Variants in CENPF observed in about 807,000 individuals in gnomAD.
CENPF encodes the protein centromere protein F.
Under a neutral mutation model 307.3 loss-of-function variants are expected in CENPF, and 214 were observed. The ratio of observed to expected loss-of-function variants is 0.70; its 90% confidence interval spans 0.62 to 0.78. The LOEUF (loss-of-function observed/expected upper bound fraction) is 0.78. Ranked by LOEUF, CENPF falls within the 30% of genes least tolerant of loss-of-function variation. The probability of loss-of-function intolerance (pLI) is 0.00; values close to 1 mark genes in which losing one functional copy is unlikely to be tolerated. For synonymous variants in CENPF, 1,259 were observed against 1,270.6 expected (o/e 0.99, Z 0.19); for missense variants, 3,401 against 3,483.9 (o/e 0.98, Z 0.60).
In CENPF at chr1:214,642,846, C is replaced by G; in HGVS notation, c.4508C>G (p.Thr1503Arg). Residue 1503 changes from threonine (T) to arginine (R), a missense_variant, in exon 12 of 20, where the codon ACA (threonine) becomes AGA (arginine). Coordinates refer to ENST00000366955, the MANE Select transcript of CENPF (RefSeq NM_016343.4). ...SSFYRALLEQ[T>R]GDMSLLSNLE... Reference sequence around the variant, plus strand: ...TTTTACAGAGCTCTTTTAGAACAGACAGGAGATATGTCTCTTTTGAGTAAT... The same window carrying G: ...TTTTACAGAGCTCTTTTAGAACAGAGAGGAGATATGTCTCTTTTGAGTAAT... 6.2e-7 allele frequency: 1 copy of G among 1,614,030 alleles called. No homozygotes were observed. Among genetic ancestry groups the G allele is most frequent in the African/African-American group, 1.3e-5 (1 of 75,028 alleles).
At chr1:214,628,548 A>C (rs1171482065) in intron 7 of CENPF, among the ~76,000 whole-genome samples, 2 of 152,190 alleles carry the variant, frequency 1.3e-5, no homozygotes, top group African/African-American at 4.8e-5. Flanking sequence ...GATTTAAGCA[A>C]TTCTCCTGCC....
intron 1 of CENPF, among the ~76,000 whole-genome samples, chr1:214,610,848 A>G (rs12404854): frequency 0.044 from 6,723 of 152,210 alleles, 220 homozygotes; most frequent in East Asian, 0.12. Context: ...TCCATCTTGA[A>G]TTAATTTTTG....
In CENPF at chr1:214,632,482, C is replaced by T; in HGVS notation, c.1326C>T (p.Leu442=). Residue 442 remains leucine, a splice_region_variant and synonymous_variant, in exon 10 of 20, where the codon CTC becomes CTT. Transcript: ENST00000366955. ...TTGGTCTCTTTTTCTTTTTGTAGCTCACATCAGTAAAGCAACAGCTAGAAA... is the reference window on the plus strand; with the variant it reads ...TTGGTCTCTTTTTCTTTTTGTAGCTTACATCAGTAAAGCAACAGCTAGAAA... ...HNVLQAELDK[L]TSVKQQLENN... 1 of 1,612,274 alleles carries T rather than the reference C, an allele frequency of 6.2e-7. No individual in the cohort carries two copies. The highest frequency in any genetic ancestry group is 8.5e-7 in the Non-Finnish European group (1 of 1,179,394).
At chr1:214,633,019 T>C (rs1003347564) in intron 10 of CENPF, among the ~76,000 whole-genome samples, 2 of 152,234 alleles carry the variant, frequency 1.3e-5, no homozygotes, top group African/African-American at 4.8e-5. Flanking sequence ...TTGGCATTTG[T>C]GTCTTTCAAT....
intron 11 of CENPF, among the ~76,000 whole-genome samples, chr1:214,639,203 C>T (rs539065816): frequency 2.0e-5 from 3 of 152,250 alleles, no homozygotes; most frequent in East Asian, 1.9e-4. Context: ...ATGAAAACAT[C>T]GTGGTTATTC....
At position 214,640,766 on chromosome 1, in the gene CENPF, G is replaced by C. The variant is rs752404054; in HGVS notation, c.2428G>C (p.Glu810Gln). 6.2e-7 allele frequency: 1 copy of C among 1,613,912 alleles called. No individual in the cohort carries two copies. Reference sequence around the variant, plus strand: ...TGGAGAACAAGGAAGCATGCCTTCAGAGAGGAGTGAATGTCGTTTAGAAGC... The same window carrying C: ...TGGAGAACAAGGAAGCATGCCTTCACAGAGGAGTGAATGTCGTTTAGAAGC... ...IIGEQGSMPS[E>Q]RSECRLEADQ... The change falls in exon 12 of 20, where the codon GAG (glutamate) becomes CAG (glutamine). Residue 810 changes from glutamate (E) to glutamine (Q), a missense_variant. Coordinates refer to ENST00000366955, the MANE Select transcript of CENPF (RefSeq NM_016343.4).
In CENPF at chr1:214,630,573, C is replaced by G. The variant is rs752887957; in HGVS notation, c.1234C>G (p.Gln412Glu). ...ACAGCGTTCTTTCCAAACACTGGACCAGGAGTGCATCCAGATGAAGGCCAG... is the reference window on the plus strand; with the variant it reads ...ACAGCGTTCTTTCCAAACACTGGACGAGGAGTGCATCCAGATGAAGGCCAG... ...RQQRSFQTLD[Q>E]ECIQMKARLT... Residue 412 changes from glutamine (Q) to glutamate (E), a missense_variant, in exon 9 of 20, where the codon CAG (glutamine) becomes GAG (glutamate). Gln to Glu is a conservative substitution (Grantham distance 29). Transcript: ENST00000366955. The G allele has an allele frequency of 1.3e-5, 21 of 1,613,980 alleles. No individual in the cohort carries two copies. Among genetic ancestry groups the G allele is most frequent in the Non-Finnish European group, 1.7e-5 (20 of 1,180,004 alleles).
chr1:214,648,961 T>G (rs1658387153), intron 14 of CENPF, 134 bp downstream of exon 14: 2 of 845,928 alleles, frequency 2.4e-6, no homozygotes, highest in Non-Finnish European at 3.6e-6. Flanking sequence ...CCTGTGCTTA[T>G]GTCATAATCT....
In CENPF at chr1:214,647,354, AT is replaced by A; in HGVS notation, c.7785del (p.Asn2595LysfsTer5). On this transcript the variant is annotated frameshift_variant, in exon 13 of 20. Transcript: ENST00000366955. LOFTEE classifies it high-confidence loss of function. ...CAGAGTTCTTACAAGAATCTAGAGA[AT>A]GAGCTTGAATTGACAAAAATGGACA... ...VLQSSYKNLE[N>X]ELELTKMDKM... The A allele has an allele frequency of 3.1e-6, 5 of 1,610,788 alleles. No individual in the cohort carries two copies. Among genetic ancestry groups the A allele is most frequent in the Non-Finnish European group, 4.2e-6 (5 of 1,178,422 alleles).
intron 10 of CENPF, among the ~76,000 whole-genome samples, chr1:214,634,133 C>T (rs1177646514): frequency 7.9e-5 from 12 of 152,312 alleles, no homozygotes; most frequent in African/African-American, 2.9e-4. Flanking sequence ...TTAATCCCAG[C>T]CTGTACTGAG....
rs2102419007 is a variant in CENPF at position 214,656,977 on chromosome 1, A to G, written c.8530A>G (p.Lys2844Glu). 1 of 1,612,936 alleles carries G rather than the reference A, an allele frequency of 6.2e-7. No homozygotes were observed. The highest frequency in any genetic ancestry group is 2.2e-5 in the East Asian group (1 of 44,876). The stretch of plus-strand genomic sequence containing the variant: ...GGTCGATGAATTAACAACTGAGATC[A>G]AAGAACTGAAAGAAACTCTTGAAGA... ...TKVDELTTEI[K>E]ELKETLEEKT... The change falls in exon 18 of 20, where the codon AAA (lysine) becomes GAA (glutamate). Residue 2844 changes from lysine (K) to glutamate (E), a missense_variant. By Grantham distance (56) the Lys-to-Glu change is moderately conservative. Transcript: ENST00000366955.
Position 214,629,157 on chromosome 1 carries a change from A to G in CENPF, c.1180A>G (p.Lys394Glu), listed in dbSNP as rs1233984635. ...SLEQKIKEKE[K>E]EFQEELSRQQ... The stretch of plus-strand genomic sequence containing the variant: ...GGAACAGAAAATTAAGGAAAAAGAA[A>G]AGGAGTTTCAAGAGGTAAGGTAAAT... Residue 394 changes from lysine (K) to glutamate (E), a missense_variant, in exon 8 of 20, where the codon AAG (lysine) becomes GAG (glutamate). Physicochemically the swap from Lys to Glu is moderately conservative, Grantham distance 56. Transcript: ENST00000366955. The G allele has an allele frequency of 1.2e-6, 2 of 1,607,572 alleles. No homozygotes were observed. The highest frequency in any genetic ancestry group is 8.5e-7 in the Non-Finnish European group (1 of 1,178,210).
At position 214,640,485 on chromosome 1, in the gene CENPF, A is replaced by G. The variant is rs1309912468; in HGVS notation, c.2147A>G (p.Lys716Arg). 1 of 1,614,130 alleles carries G rather than the reference A, an allele frequency of 6.2e-7. No individual in the cohort carries two copies. The highest frequency in any genetic ancestry group is 8.5e-7 in the Non-Finnish European group (1 of 1,180,016). ...GAGTTCTCAGATCAGAAACATCAGA[A>G]GGAAATAGAAAATATGTGTTTGAAG... ...KAEFSDQKHQ[K>R]EIENMCLKTS... is the part of the protein sequence containing the mutation. Residue 716 changes from lysine (K) to arginine (R), a missense_variant, in exon 12 of 20, where the codon AAG becomes AGG. Transcript: ENST00000366955.
intron 1 of CENPF, among the ~76,000 whole-genome samples, chr1:214,611,613 G>T (rs113537794): frequency 2.6e-5 from 4 of 152,166 alleles, no homozygotes; most frequent in African/African-American, 4.8e-5. Flanking sequence ...TGATCTGCCC[G>T]CCTCAGCCTC....
At chr1:214,608,313 C>T in intron 1 of CENPF, 3 of 1,590,096 alleles carry the variant, frequency 1.9e-6, no homozygotes, top group Non-Finnish European at 2.6e-6. Flanking sequence ...GTTGCCCTCA[C>T]CTGGTGCGCA....
chr1:214,614,216 A>G lies in CENPF; in HGVS notation c.162+300A>G, dbSNP rs148672580. Among the ~76,000 whole-genome samples the G allele has an allele frequency of 0.02, 3,099 of 151,636 alleles. 46 individuals are homozygous for G. Among genetic ancestry groups the G allele is most frequent in the African/African-American group, 0.043 (1,776 of 41,258 alleles). ...TTTAGGGCTATTGAGTTCCATTTCA[A>G]CTTCCATGTGGGACCATGAATTGGA... On this transcript the variant is annotated intron_variant, in intron 2 of 19. Transcript: ENST00000366955.
chr1:214,607,574 A>G lies in CENPF; in HGVS notation c.-42+4253A>G, dbSNP rs1657070063. ...CTCCCCAGGGCCTCTGACTTCTCAGAGCTATGCCTGGTCCCTGCGGGAGCA... is the reference window on the plus strand; with the variant it reads ...CTCCCCAGGGCCTCTGACTTCTCAGGGCTATGCCTGGTCCCTGCGGGAGCA... On this transcript the variant is annotated intron_variant, in intron 1 of 19. Transcript: ENST00000366955. Among the ~76,000 whole-genome samples the G allele has an allele frequency of 3.3e-5, 5 of 152,092 alleles. No homozygotes were observed. In the South Asian group the frequency reaches 1.0e-3, roughly 32 times the overall value.
intron 17 of CENPF, among the ~76,000 whole-genome samples, chr1:214,655,885 C>T (rs558531663): frequency 4.4e-4 from 67 of 152,286 alleles, no homozygotes; most frequent in Non-Finnish European, 7.8e-4. Context: ...GCCACCATGC[C>T]TGGCCTGAAT....
chr1:214,629,242 G>A, intron 8 of CENPF, 71 bp downstream of exon 8: 3 of 1,394,744 alleles, frequency 2.2e-6, no homozygotes, highest in South Asian at 1.6e-5. Flanking sequence ...TTGATCACTT[G>A]GAAAGGGGAG....
Sources: allele counts gnomAD v4.1 joint callset (sites outside exome capture counted in the v4.1 genomes callset), GRCh38; gene constraint gnomAD v4.1.1; transcripts MANE v1.5; gene names NCBI Gene and HGNC (gene_info 2026-07-23, HGNC 2026-07-21).